Variants in TMEM132D observed in about 807,000 individuals in gnomAD.
The protein encoded by TMEM132D is mature OL transmembrane protein.
Under a neutral mutation model 62.3 loss-of-function variants are expected in TMEM132D, and 21 were observed. That is an observed-to-expected ratio of 0.34 (90% confidence interval 0.24 to 0.49). The LOEUF is 0.49. Ranked by LOEUF, TMEM132D falls within the 20% of genes least tolerant of loss-of-function variation. The probability of loss-of-function intolerance (pLI) is 0.99; values close to 1 mark genes in which losing one functional copy is unlikely to be tolerated. For synonymous variants in TMEM132D, 621 were observed against 575.6 expected, an observed-to-expected ratio of 1.08 and a Z score of -1.13; for missense variants, 1,346 against 1,402.8, an observed-to-expected ratio of 0.96 and a Z score of 0.65.
At chr12:129,838,024 T>C (rs1873061470) in intron 1 of TMEM132D, among the ~76,000 whole-genome samples, 1 of 152,252 alleles carries the variant, frequency 6.6e-6, no homozygotes, top group South Asian at 2.1e-4. Context: ...CTTAAATAGC[T>C]GCCCCACCAA....
At chr12:129,835,723 G>T (rs952995016) in intron 1 of TMEM132D, among the ~76,000 whole-genome samples, 1 of 152,152 alleles carries the variant, frequency 6.6e-6, no homozygotes, top group African/African-American at 2.4e-5. Context: ...GACATCTGTG[G>T]CACACCTAAT....
At chr12:129,813,705 A>C (rs780019907) in intron 1 of TMEM132D, among the ~76,000 whole-genome samples, 1 of 151,440 alleles carries the variant, frequency 6.6e-6, no homozygotes, top group Non-Finnish European at 1.5e-5. Flanking sequence ...TTCCTAACTA[A>C]AAATTAAGCC....
chr12:129,756,191 C>T (rs767017770), intron 1 of TMEM132D, among the ~76,000 whole-genome samples: 5 of 152,028 alleles, frequency 3.3e-5, no homozygotes, highest in South Asian at 2.1e-4. Context: ...GTGTAGGTTC[C>T]GGGGGTCTTC....
intron 3 of TMEM132D, among the ~76,000 whole-genome samples, chr12:129,479,684 A>G (rs934079654): frequency 6.6e-6 from 1 of 152,250 alleles, no homozygotes; most frequent in African/African-American, 2.4e-5. Context: ...GAGGGTCTGA[A>G]GAACGCTGGG....
chr12:129,289,269 C>T (rs184984384), intron 4 of TMEM132D, among the ~76,000 whole-genome samples: 7 of 152,218 alleles, frequency 4.6e-5, no homozygotes, highest in Middle Eastern at 3.4e-3. Flanking sequence ...CCTGGCCGGG[C>T]GCCATGGCTC....
intron 5 of TMEM132D, among the ~76,000 whole-genome samples, chr12:129,109,252 T>C (rs1875604434): frequency 6.6e-6 from 1 of 152,190 alleles, no homozygotes; most frequent in Non-Finnish European, 1.5e-5. Flanking sequence ...AGGCTCTGGA[T>C]CTGGATGTCC....
intron 1 of TMEM132D, chr12:129,840,516 A>G (rs1035170244): frequency 6.6e-6 from 1 of 152,264 alleles, no homozygotes; most frequent in Non-Finnish European, 1.5e-5. Flanking sequence ...TTAGAGAAAA[A>G]TAAAATATGT....
At chr12:129,690,473 G>T (rs1881038132) in intron 2 of TMEM132D, among the ~76,000 whole-genome samples, 1 of 152,058 alleles carries the variant, frequency 6.6e-6, no homozygotes, top group Non-Finnish European at 1.5e-5. Flanking sequence ...TAGCTCAAAA[G>T]ACTTTAACAA....
At chr12:129,179,579 T>A (rs1257050668) in intron 5 of TMEM132D, among the ~76,000 whole-genome samples, 1 of 152,200 alleles carries the variant, frequency 6.6e-6, no homozygotes, top group Non-Finnish European at 1.5e-5. Context: ...TAAAATTGCT[T>A]CCCTATGGAA....
At chr12:129,321,550 G>A (rs976493614) in intron 4 of TMEM132D, among the ~76,000 whole-genome samples, 1 of 151,846 alleles carries the variant, frequency 6.6e-6, no homozygotes, top group African/African-American at 2.4e-5. Context: ...CATGGCATGA[G>A]GCAGATCTTT....
At chr12:129,412,128 A>G (rs1871984397) in intron 3 of TMEM132D, among the ~76,000 whole-genome samples, 1 of 152,024 alleles carries the variant, frequency 6.6e-6, no homozygotes. Context: ...AAAAAATACA[A>G]AATATTTCTC....
intron 3 of TMEM132D, among the ~76,000 whole-genome samples, chr12:129,448,580 G>C (rs575516022): frequency 3.9e-5 from 6 of 152,178 alleles, no homozygotes; most frequent in Admixed American, 1.3e-4. Context: ...AAGCTGCATG[G>C]TATTTTATCG....
chr12:129,440,764 C>T (rs1313686372), intron 3 of TMEM132D, among the ~76,000 whole-genome samples: 2 of 151,222 alleles, frequency 1.3e-5, no homozygotes, highest in African/African-American at 4.9e-5. Context: ...GCAAGCTACG[C>T]AGGATGTATA....
chr12:129,333,775 G>A (rs75123896), intron 4 of TMEM132D, among the ~76,000 whole-genome samples: 2,627 of 152,212 alleles, frequency 0.017, 70 homozygotes, highest in African/African-American at 0.06. Flanking sequence ...AGCAGAGGTG[G>A]GGTGCTCGGG....
rs60002761 is a variant in TMEM132D at position 129,622,975 on chromosome 12, C to T, written c.968+76835G>A. 4.8e-3 allele frequency among the ~76,000 whole-genome samples: 733 copies of T among 151,640 alleles called. 9 individuals are homozygous for T. Among genetic ancestry groups the T allele is most frequent in the African/African-American group, 0.017 (702 of 41,282 alleles). ...GCTGGAGGTGGCATCTCTCCAGATA[C>T]GAGGTAATGTAAGTTCATCCGCAAT... On this transcript the variant is annotated intron_variant, in intron 2 of 8. Coordinates refer to ENST00000422113, the MANE Select transcript of TMEM132D (RefSeq NM_133448.3).
intron 3 of TMEM132D, among the ~76,000 whole-genome samples, chr12:129,423,306 A>C (rs138337296): frequency 1.4e-4 from 21 of 152,280 alleles, no homozygotes; most frequent in African/African-American, 5.1e-4. Flanking sequence ...AAACTAGAAT[A>C]AAACTAAGGA....
intron 5 of TMEM132D, among the ~76,000 whole-genome samples, chr12:129,136,771 T>TCACCATCAC (rs1876576701): frequency 1.9e-5 from 2 of 107,342 alleles, no homozygotes; most frequent in South Asian, 6.0e-4. Context: ...ATCACCATCA[T>TCACCATCAC]CACCATCACC....
chr12:129,431,219 G>A (rs538227014), intron 3 of TMEM132D, among the ~76,000 whole-genome samples: 31 of 152,294 alleles, frequency 2.0e-4, no homozygotes, highest in African/African-American at 6.3e-4. Flanking sequence ...CGATAAGGAC[G>A]CGGAGCTTCA....
At chr12:129,199,206 C>A (rs1878628456) in intron 5 of TMEM132D, among the ~76,000 whole-genome samples, 1 of 150,820 alleles carries the variant, frequency 6.6e-6, no homozygotes, top group African/African-American at 2.4e-5. Flanking sequence ...ACTTCCCAGG[C>A]TCCAGCAATT....
Sources: gnomAD v4.1 joint callset for allele counts (sites outside exome capture counted in the v4.1 genomes callset) on GRCh38, gnomAD v4.1.1 for gene constraint, MANE v1.5 for transcripts, NCBI Gene and HGNC (gene_info 2026-07-23, HGNC 2026-07-21) for gene names.